BBS9: variants seen among roughly 807,000 people sequenced by gnomAD.
BBS9 encodes the protein protein PTHB1.
In BBS9, 89 loss-of-function variants were observed where a neutral mutation model predicts 117.7. The ratio of observed to expected loss-of-function variants is 0.76; its 90% CI spans 0.64 to 0.90. BBS9 has a LOEUF of 0.90. Among genes scored for constraint, BBS9 ranks in the 40% least tolerant of loss-of-function variants. BBS9 has a pLI of 0.00. For missense variants in BBS9, 982 were observed against 1,042.2 expected, an observed-to-expected ratio of 0.94 and a Z score of 0.80; for synonymous variants, 379 against 370.9, an observed-to-expected ratio of 1.02 and a Z score of -0.25.
At chr7:33,499,140 A>G (rs998972097) in intron 19 of BBS9, among the ~76,000 whole-genome samples, 4 of 152,228 alleles carry the variant, frequency 2.6e-5, no homozygotes, top group East Asian at 1.9e-4. Flanking sequence ...CAAGAATCCT[A>G]TTATGTGTGC....
chr7:33,176,663 G>A (rs889486429), intron 4 of BBS9, among the ~76,000 whole-genome samples: 2 of 152,072 alleles, frequency 1.3e-5, no homozygotes, highest in Admixed American at 6.5e-5. Context: ...TAGTGATTGA[G>A]TACTACCCAG....
intron 21 of BBS9, among the ~76,000 whole-genome samples, chr7:33,565,819 A>ACAGC: frequency 1.7e-5 from 1 of 60,038 alleles, no homozygotes; most frequent in Non-Finnish European, 2.7e-5. Context: ...ATATATATAT[A>ACAGC]TATATATACC....
At chr7:33,157,974 A>G (rs1794331103) in intron 4 of BBS9, among the ~76,000 whole-genome samples, 1 of 152,190 alleles carries the variant, frequency 6.6e-6, no homozygotes, top group South Asian at 2.1e-4. Flanking sequence ...TTCTGAATAA[A>G]TGGTTACAGA....
chr7:33,537,688 G>C (rs1308332670), intron 21 of BBS9, among the ~76,000 whole-genome samples: 3 of 152,142 alleles, frequency 2.0e-5, no homozygotes, highest in Admixed American at 1.3e-4. Context: ...ATGCATATAT[G>C]TTCCCAACCT....
chr7:33,390,161 C>T (rs1464661582), intron 19 of BBS9: 7 of 703,376 alleles, frequency 1.0e-5, no homozygotes, highest in South Asian at 1.3e-4. Flanking sequence ...TGGGGTCTAC[C>T]GTCATCCCTG....
chr7:33,528,740 C>T (rs1388551659), intron 20 of BBS9, among the ~76,000 whole-genome samples: 1 of 152,194 alleles, frequency 6.6e-6, no homozygotes, highest in Non-Finnish European at 1.5e-5. Flanking sequence ...TCTAAGCTCA[C>T]ACAGTGAAGG....
intron 16 of BBS9, among the ~76,000 whole-genome samples, chr7:33,365,081 C>CTT (rs202008416): frequency 6.6e-6 from 1 of 150,378 alleles, no homozygotes; most frequent in Non-Finnish European, 1.5e-5. Context: ...TTTTGTTTCT[C>CTT]TTTTTTTTTC....
intron 5 of BBS9, among the ~76,000 whole-genome samples, chr7:33,203,758 T>C (rs560198617): frequency 6.6e-6 from 1 of 150,396 alleles, no homozygotes; most frequent in South Asian, 2.1e-4. Flanking sequence ...AGTCTTGCTC[T>C]GTCACCCAGG....
At chr7:33,209,489 G>A (rs1216189326) in intron 5 of BBS9, among the ~76,000 whole-genome samples, 1 of 152,084 alleles carries the variant, frequency 6.6e-6, no homozygotes, top group Non-Finnish European at 1.5e-5. Context: ...TCATATGGTA[G>A]CTCTATTTTT....
intron 9 of BBS9, among the ~76,000 whole-genome samples, chr7:33,335,280 G>A (rs1815102079): frequency 6.6e-6 from 1 of 152,166 alleles, no homozygotes; most frequent in South Asian, 2.1e-4. Flanking sequence ...TGTTGCCCAA[G>A]CTGGATTCAA....
At chr7:33,398,516 T>C (rs1483244566) in intron 19 of BBS9, among the ~76,000 whole-genome samples, 1 of 152,188 alleles carries the variant, frequency 6.6e-6, no homozygotes, top group South Asian at 2.1e-4. Flanking sequence ...ATTTTGTAAA[T>C]TTTTCTTTAT....
chr7:33,311,837 A>G (rs1408491680), intron 9 of BBS9, among the ~76,000 whole-genome samples: 1 of 151,836 alleles, frequency 6.6e-6, no homozygotes, highest in African/African-American at 2.4e-5. Context: ...AAGTGTCTAT[A>G]TATTAACCTT....
intron 21 of BBS9, among the ~76,000 whole-genome samples, chr7:33,632,526 C>T (rs1470031009): frequency 6.6e-6 from 1 of 152,224 alleles, no homozygotes; most frequent in Non-Finnish European, 1.5e-5. Context: ...CTTGCTGCTT[C>T]GTTCTGGTAG....
At chr7:33,566,783 A>T (rs1292091721) in intron 21 of BBS9, among the ~76,000 whole-genome samples, 3 of 152,206 alleles carry the variant, frequency 2.0e-5, no homozygotes, top group Non-Finnish European at 4.4e-5. Flanking sequence ...CAAATCACAG[A>T]TGCTAAATTG....
At chr7:33,506,118 A>G (rs1846120438) in intron 20 of BBS9, among the ~76,000 whole-genome samples, 1 of 152,190 alleles carries the variant, frequency 6.6e-6, no homozygotes, top group East Asian at 1.9e-4. Context: ...CTTTATGTGT[A>G]GTTTATAAAC....
intron 9 of BBS9, among the ~76,000 whole-genome samples, chr7:33,283,186 T>C (rs937808681): frequency 1.3e-5 from 2 of 152,230 alleles, no homozygotes; most frequent in Non-Finnish European, 2.9e-5. Flanking sequence ...ACCTTAATAA[T>C]TGTATATTGC....
rs5883410 is a variant in BBS9, at chr7:33,600,399, G to GT, written c.2522-4454dup. 1.5e-3 allele frequency among the ~76,000 whole-genome samples: 223 copies of GT among 148,002 alleles called. 1 individual carries two copies. Among genetic ancestry groups the GT allele is most frequent in the Middle Eastern group, 3.6e-3 (1 of 276 alleles). ...GATAGATTGGAAATTTGAAAAGCAA[G>GT]TTTTTTTTTTTTGAGAAGCATTGCT... On this transcript the variant is annotated intron_variant, in intron 21 of 22. Transcript: ENST00000242067.
intron 4 of BBS9, among the ~76,000 whole-genome samples, chr7:33,165,600 G>A (rs1376141218): frequency 6.6e-6 from 1 of 151,626 alleles, no homozygotes; most frequent in Non-Finnish European, 1.5e-5. Flanking sequence ...ATCAACGATA[G>A]CCTTTCTTCC....
At chr7:33,592,593 T>TAAAACAGGCACACTCCAG (rs1351342611) in intron 21 of BBS9, among the ~76,000 whole-genome samples, 3 of 152,122 alleles carry the variant, frequency 2.0e-5, no homozygotes, top group African/African-American at 7.2e-5. Context: ...AAGGATATGA[T>TAAAACAGGCACACTCCAG]AAAACAGGCA....
Sources: allele counts gnomAD v4.1 joint callset (sites outside exome capture counted in the v4.1 genomes callset), GRCh38; gene constraint gnomAD v4.1.1; transcripts MANE v1.5; gene names NCBI Gene and HGNC (gene_info 2026-07-23, HGNC 2026-07-21).